Variants in TENM4 observed in about 807,000 individuals in gnomAD.
The protein encoded by TENM4 is teneurin-4.
In TENM4, 82 loss-of-function variants were observed where a neutral mutation model predicts 243.3. That is an observed-to-expected ratio of 0.34 (90% CI 0.28 to 0.40). The LOEUF (loss-of-function observed/expected upper bound fraction) is 0.40. Ranked by LOEUF, TENM4 falls within the 10% of genes least tolerant of loss-of-function variation. The pLI is 1.00. For synonymous variants in TENM4, 1,412 were observed against 1,456.3 expected (o/e 0.97, Z 0.69); for missense variants, 3,138 against 3,673.3 (o/e 0.85, Z 3.77).
At chr11:78,921,457 G>C (rs568807434) in intron 6 of TENM4, among the ~76,000 whole-genome samples, 3 of 152,308 alleles carry the variant, frequency 2.0e-5, no homozygotes, top group African/African-American at 4.8e-5. Context: ...GATGTCGAAA[G>C]CCTCCATGAA....
chr11:79,407,591 T>C (rs756144849), intron 1 of TENM4, among the ~76,000 whole-genome samples: 3 of 152,202 alleles, frequency 2.0e-5, no homozygotes, highest in Non-Finnish European at 4.4e-5. Flanking sequence ...TCAGGATAGG[T>C]GACAGAAAGT....
At chr11:79,078,059 G>A (rs1054076298) in intron 4 of TENM4, among the ~76,000 whole-genome samples, 4 of 152,172 alleles carry the variant, frequency 2.6e-5, no homozygotes, top group Non-Finnish European at 5.9e-5. Context: ...AGGGGCAGGA[G>A]CCTGGAGCAT....
At chr11:78,859,853 C>T (rs75185206) in intron 10 of TENM4, among the ~76,000 whole-genome samples, 16,104 of 152,228 alleles carry the variant, frequency 0.11, 2,185 homozygotes, top group African/African-American at 0.32. Context: ...AATGCTATCC[C>T]AAGCCCACCA....
intron 6 of TENM4, among the ~76,000 whole-genome samples, chr11:79,027,517 C>G (rs78999594): frequency 0.031 from 4,677 of 152,330 alleles, 92 homozygotes; most frequent in Middle Eastern, 0.054. Context: ...TCCTTTGTCA[C>G]TGTGCCAGAA....
At chr11:78,977,818 C>G (rs1196039568) in intron 6 of TENM4, among the ~76,000 whole-genome samples, 5 of 152,204 alleles carry the variant, frequency 3.3e-5, no homozygotes, top group African/African-American at 9.6e-5. Flanking sequence ...GATCTAGAAC[C>G]AGAAATACCA....
chr11:79,439,518 C>A (rs1385085489), intron 1 of TENM4, among the ~76,000 whole-genome samples: 1 of 152,172 alleles, frequency 6.6e-6, no homozygotes, highest in East Asian at 1.9e-4. Context: ...ACTTTCCAAC[C>A]TCGCCTAGGC....
At chr11:78,999,911 A>G (rs1232113874) in intron 6 of TENM4, among the ~76,000 whole-genome samples, 2 of 151,936 alleles carry the variant, frequency 1.3e-5, no homozygotes, top group South Asian at 4.1e-4. Context: ...CTATATATCC[A>G]AGAAGCAAAA....
At chr11:78,664,955 G>A (rs983153277) in intron 32 of TENM4, among the ~76,000 whole-genome samples, 2 of 152,168 alleles carry the variant, frequency 1.3e-5, no homozygotes, top group African/African-American at 4.8e-5. Flanking sequence ...TGCTGAAAAT[G>A]AATTTATTCA....
intron 1 of TENM4, among the ~76,000 whole-genome samples, chr11:79,374,921 G>A (rs1590920739): frequency 6.6e-6 from 1 of 152,120 alleles, no homozygotes; most frequent in South Asian, 2.1e-4. Flanking sequence ...CTGCAACGAC[G>A]GGCAAGCCTT....
At position 78,903,258 on chromosome 11, in the gene TENM4, G is replaced by A; in HGVS notation, c.749+10C>T. On this transcript the variant is annotated intron_variant, in intron 7 of 33. Coordinates refer to ENST00000278550, the MANE Select transcript of TENM4 (RefSeq NM_001098816.3). ...CCTCCTCAGCCTCACCCTCCCTACC[G>A]GCCGCGCACCTGGTCTCCAGGGGGA... The A allele has an allele frequency of 4.0e-6, 6 of 1,486,936 alleles. No homozygotes were observed. Among genetic ancestry groups the A allele is most frequent in the Non-Finnish European group, 4.4e-6 (5 of 1,123,964 alleles). 92.1% of individuals were successfully genotyped at this position (1,486,936 alleles called of 1,614,324 possible).
intron 13 of TENM4, 108 bp from the exon 14 acceptor site, chr11:78,812,424 G>T: frequency 7.7e-7 from 1 of 1,295,118 alleles, no homozygotes; most frequent in South Asian, 1.4e-5. Context: ...AGCCTCAACT[G>T]CTCTGCCACA....
At chr11:78,836,291 A>G (rs908007293) in intron 12 of TENM4, among the ~76,000 whole-genome samples, 8 of 152,338 alleles carry the variant, frequency 5.3e-5, no homozygotes, top group Admixed American at 2.0e-4. Context: ...CGGAGGTTGC[A>G]GTCAGCCGAG....
intron 4 of TENM4, among the ~76,000 whole-genome samples, chr11:79,074,146 A>T (rs564425515): frequency 5.3e-5 from 8 of 151,944 alleles, no homozygotes; most frequent in Non-Finnish European, 8.8e-5. Flanking sequence ...TTTCCTTAAA[A>T]TTTTTTTTTC....
chr11:79,295,676 G>C (rs1856437710), intron 2 of TENM4, among the ~76,000 whole-genome samples: 1 of 152,108 alleles, frequency 6.6e-6, no homozygotes, highest in South Asian at 2.1e-4. Flanking sequence ...AAGGGGAAAA[G>C]GCTTTGGAGA....
chr11:78,690,381 T>TAATGAAAACTGTC (rs1279219529), intron 28 of TENM4, among the ~76,000 whole-genome samples: 1 of 152,196 alleles, frequency 6.6e-6, no homozygotes, highest in Non-Finnish European at 1.5e-5. Context: ...GAAGGAAACA[T>TAATGAAAACTGTC]ACAAAAATAT....
chr11:78,901,616 C>A (rs1370703755), intron 7 of TENM4, among the ~76,000 whole-genome samples: 2 of 152,138 alleles, frequency 1.3e-5, no homozygotes, highest in African/African-American at 4.8e-5. Flanking sequence ...GGAGTGGTGA[C>A]TGTGGTCCAT....
chr11:79,082,305 C>T (rs904095804), intron 4 of TENM4, among the ~76,000 whole-genome samples: 2 of 152,156 alleles, frequency 1.3e-5, no homozygotes, highest in African/African-American at 4.8e-5. Context: ...CTCCCTCGGC[C>T]CCACACAAGC....
At chr11:79,154,797 A>G (rs1862571367) in intron 3 of TENM4, among the ~76,000 whole-genome samples, 2 of 152,150 alleles carry the variant, frequency 1.3e-5, no homozygotes, top group South Asian at 4.1e-4. Flanking sequence ...GATCTGATTA[A>G]TGCCTATCTC....
chr11:78,855,607 A>G (rs1270378278), intron 11 of TENM4, among the ~76,000 whole-genome samples: 1 of 152,216 alleles, frequency 6.6e-6, no homozygotes, highest in African/African-American at 2.4e-5. Context: ...AAGCTAAGTG[A>G]TGGAGCCAAG....
Sources: gnomAD v4.1 joint callset for allele counts (sites outside exome capture counted in the v4.1 genomes callset) on GRCh38, gnomAD v4.1.1 for gene constraint, MANE v1.5 for transcripts, NCBI Gene and HGNC (gene_info 2026-07-23, HGNC 2026-07-21) for gene names.